Variants in ATP6V1H observed in about 807,000 individuals in gnomAD.
ATP6V1H encodes the protein ATPase H+ transporting V1 subunit H, also known as V-type proton ATPase subunit H.
Under a neutral mutation model 71.7 loss-of-function variants are expected in ATP6V1H, and 39 were observed. That is an observed-to-expected ratio of 0.54 (90% CI 0.42 to 0.71). The LOEUF (loss-of-function observed/expected upper bound fraction) is 0.71. Among genes scored for constraint, ATP6V1H ranks in the 30% least tolerant of loss-of-function variants. The pLI, the probability that ATP6V1H is intolerant of heterozygous loss-of-function variation, is 0.00. For synonymous variants in ATP6V1H, 192 were observed against 199.3 expected, an observed-to-expected ratio of 0.96 and a Z score of 0.31; for missense variants, 509 against 594.9, an observed-to-expected ratio of 0.86 and a Z score of 1.50.
At chr8:53,749,647 T>C (rs1298676553) in intron 12 of ATP6V1H, among the ~76,000 whole-genome samples, 1 of 151,960 alleles carries the variant, frequency 6.6e-6, no homozygotes, top group African/African-American at 2.4e-5. Flanking sequence ...AGTGAATTTG[T>C]GGCATTTTTA....
chr8:53,801,704 A>C, intron 8 of ATP6V1H, 95 bp downstream of exon 8: 1 of 1,055,920 alleles, frequency 9.5e-7, no homozygotes, highest in South Asian at 1.6e-5. Flanking sequence ...TGAAAAAAAT[A>C]AAATATTTCT....
intron 12 of ATP6V1H, among the ~76,000 whole-genome samples, chr8:53,744,450 A>C (rs1807528060): frequency 6.6e-6 from 1 of 152,212 alleles, no homozygotes; most frequent in African/African-American, 2.4e-5. Flanking sequence ...AGAGCTGTGG[A>C]GTCTCAGCTT....
intron 13 of ATP6V1H, chr8:53,739,490 G>A (rs896978064): frequency 6.6e-6 from 1 of 152,170 alleles, no homozygotes; most frequent in African/African-American, 2.4e-5. Context: ...TGCTGCTTAA[G>A]AAAGGGCTGA....
Position 53,751,318 on chromosome 8 carries a change from T to C in ATP6V1H, c.1277+5237A>G, listed in dbSNP as rs61309000. ...CTGGACTGGAAGCAGTTTTTTGAAC[T>C]TGGCACTGACAAAGGACTAGCTATG... On this transcript the variant is annotated intron_variant, in intron 12 of 13. Transcript: ENST00000359530. Among the ~76,000 whole-genome samples, 401 of 152,336 alleles carry C rather than the reference T, an allele frequency of 2.6e-3. 1 individual carries two copies. Among genetic ancestry groups the C allele is most frequent in the African/African-American group, 9.0e-3 (375 of 41,584 alleles).
intron 13 of ATP6V1H, among the ~76,000 whole-genome samples, chr8:53,719,817 G>A (rs2130074642): frequency 6.6e-6 from 1 of 152,272 alleles, no homozygotes; most frequent in East Asian, 1.9e-4. Context: ...CCTACTCAGG[G>A]CTCTGGTCCT....
intron 13 of ATP6V1H, among the ~76,000 whole-genome samples, chr8:53,741,234 T>C (rs1277508143): frequency 6.6e-6 from 1 of 152,174 alleles, no homozygotes; most frequent in Non-Finnish European, 1.5e-5. Context: ...TCATCTTCAA[T>C]ACATGATCAT....
chr8:53,721,758 G>A (rs1351241820), intron 13 of ATP6V1H, among the ~76,000 whole-genome samples: 3 of 152,150 alleles, frequency 2.0e-5, no homozygotes, highest in Non-Finnish European at 1.5e-5. Flanking sequence ...ACAGCTGGGA[G>A]AATAAAAAAG....
At chr8:53,805,885 G>A (rs1476419104) in intron 7 of ATP6V1H, among the ~76,000 whole-genome samples, 2 of 152,102 alleles carry the variant, frequency 1.3e-5, no homozygotes, top group South Asian at 2.1e-4. Flanking sequence ...AGACACATAA[G>A]AATTTATACT....
intron 7 of ATP6V1H, among the ~76,000 whole-genome samples, chr8:53,810,246 A>G (rs536220337): frequency 6.6e-6 from 1 of 152,190 alleles, no homozygotes. Flanking sequence ...CTAACTTTCT[A>G]TCAACTGGCT....
At chr8:53,733,645 C>T (rs1179636121) in intron 13 of ATP6V1H, among the ~76,000 whole-genome samples, 1 of 152,196 alleles carries the variant, frequency 6.6e-6, no homozygotes, top group Non-Finnish European at 1.5e-5. Flanking sequence ...TGCAACCTAC[C>T]GGAGCCTAAG....
At chr8:53,823,609 T>C (rs1810730966) in intron 4 of ATP6V1H, among the ~76,000 whole-genome samples, 1 of 152,170 alleles carries the variant, frequency 6.6e-6, no homozygotes, top group Non-Finnish European at 1.5e-5. Context: ...TCCCAGTAGC[T>C]GGGATTATAG....
chr8:53,765,239 T>C (rs184058011), intron 11 of ATP6V1H, among the ~76,000 whole-genome samples: 1 of 151,722 alleles, frequency 6.6e-6, no homozygotes, highest in East Asian at 1.9e-4. Flanking sequence ...CCGTCTCTAC[T>C]AAAAATACAA....
intron 4 of ATP6V1H, among the ~76,000 whole-genome samples, chr8:53,818,129 T>C (rs1309991381): frequency 2.0e-5 from 3 of 152,204 alleles, no homozygotes; most frequent in Non-Finnish European, 2.9e-5. Flanking sequence ...CTAAATTTTC[T>C]CTATCACTGG....
intron 12 of ATP6V1H, among the ~76,000 whole-genome samples, chr8:53,748,561 A>G (rs1039479913): frequency 6.6e-6 from 1 of 152,192 alleles, no homozygotes; most frequent in African/African-American, 2.4e-5. Context: ...GAGCATGTGT[A>G]CCTATACATA....
chr8:53,837,980 G>A (rs993235576), intron 2 of ATP6V1H, among the ~76,000 whole-genome samples: 2 of 152,112 alleles, frequency 1.3e-5, no homozygotes, highest in Admixed American at 6.6e-5. Flanking sequence ...CTCCGAAGCT[G>A]GTAAATGAAG....
At chr8:53,829,261 G>C (rs192430906) in intron 4 of ATP6V1H, among the ~76,000 whole-genome samples, 183 bp downstream of exon 4, 3 of 152,290 alleles carry the variant, frequency 2.0e-5, no homozygotes, top group Admixed American at 1.3e-4. Flanking sequence ...AAAACAGCCT[G>C]TGTGTGGGTA....
In ATP6V1H at chr8:53,762,960, T is replaced by C. The variant is rs553554158; in HGVS notation, c.1176-6304A>G. ...TGATCCACTTCCACTTAATGGACAG[T>C]AAATATATCTTCTCTTTCTTATGAT... is the stretch of plus-strand genomic sequence containing the variant. On this transcript the variant is annotated intron_variant, in intron 11 of 13. Transcript: ENST00000359530. Among the ~76,000 whole-genome samples, 19 of 152,340 alleles carry C rather than the reference T, an allele frequency of 1.2e-4. 1 individual carries two copies. In the South Asian group the frequency reaches 2.7e-3, roughly 22 times the overall value.
chr8:53,726,605 G>A (rs1363915063), intron 13 of ATP6V1H, among the ~76,000 whole-genome samples: 2 of 152,030 alleles, frequency 1.3e-5, no homozygotes, highest in Non-Finnish European at 2.9e-5. Context: ...TTCTATCACC[G>A]CCAAGTTAGT....
In ATP6V1H at chr8:53,780,592, C is replaced by T. The variant is rs565337246; in HGVS notation, c.871-8425G>A. Among the ~76,000 whole-genome samples the T allele has an allele frequency of 5.9e-4, 90 of 151,856 alleles. 1 individual carries two copies. The highest frequency in any genetic ancestry group is 5.9e-3 in the Admixed American group (90 of 15,248). On this transcript the variant is annotated intron_variant, in intron 9 of 13. Coordinates refer to ENST00000359530, the MANE Select transcript of ATP6V1H (RefSeq NM_015941.4). ...TTTTAGGGTACATGTGCACAACGTG[C>T]AGGTGTGTTACATATGTAGCCATGT...
Sources: gnomAD v4.1 joint callset for allele counts (sites outside exome capture counted in the v4.1 genomes callset) on GRCh38, gnomAD v4.1.1 for gene constraint, MANE v1.5 for transcripts, NCBI Gene and HGNC (gene_info 2026-07-23, HGNC 2026-07-21) for gene names.